KCTD15: variants seen among roughly 807,000 people sequenced by gnomAD.
KCTD15 encodes the protein potassium channel tetramerization domain containing 15, also known as BTB/POZ domain-containing protein KCTD15.
A neutral mutation model predicts 27.2 loss-of-function variants in KCTD15; 11 were observed. That is an observed-to-expected ratio of 0.41 (90% CI 0.25 to 0.67). The LOEUF (loss-of-function observed/expected upper bound fraction) is 0.67, where lower values mean the gene tolerates loss of function less well. Among genes scored for constraint, KCTD15 ranks in the 30% least tolerant of loss-of-function variants. The probability of loss-of-function intolerance (pLI) is 0.35; values close to 1 mark genes in which losing one functional copy is unlikely to be tolerated. For missense variants in KCTD15, 350 were observed against 409.3 expected, an observed-to-expected ratio of 0.86 and a Z score of 1.25; for synonymous variants, 163 against 176.0, an observed-to-expected ratio of 0.93 and a Z score of 0.58.
upstream of KCTD15, among the ~76,000 whole-genome samples, chr19:33,795,229 C>A (rs1975279296): frequency 6.6e-6 from 1 of 152,188 alleles, no homozygotes; most frequent in Non-Finnish European, 1.5e-5. Context: ...TCCTGTAGTT[C>A]GAACTCGAAA....
rs1479485354 is a variant in KCTD15 at position 33,797,279 on chromosome 19, TGTGTGC to T, written c.-127+294_-127+299del. On this transcript the variant is annotated intron_variant, in intron 1 of 6. Coordinates refer to ENST00000683859, the MANE Select transcript of KCTD15 (RefSeq NM_001129994.2). The stretch of plus-strand genomic sequence containing the variant: ...GTGTGTGTGTGTGTGTGTGTGTGTG[TGTGTGC>T]GCGCGCGCGCGCGCGCGCTTGTGGA... 8.5e-3 allele frequency: 2,097 copies of T among 246,936 alleles called. 58 individuals are homozygous for T. The highest frequency in any genetic ancestry group is 0.084 in the African/African-American group (1,855 of 21,958). The allele number at this position is 246,936 out of a possible 1,614,324, so 15.3% of individuals were successfully genotyped here. A position where few individuals can be genotyped will look rare whatever the true frequency, so the allele number is the denominator to read the frequency against.
intron 4 of KCTD15, among the ~76,000 whole-genome samples, chr19:33,805,124 C>T (rs1436293009): frequency 2.0e-5 from 3 of 152,108 alleles, no homozygotes; most frequent in Non-Finnish European, 2.9e-5. Flanking sequence ...GGTCTTGCTG[C>T]GTTGCCTAGG....
At chr19:33,801,454 C>G in intron 4 of KCTD15, 112 bp downstream of exon 4, 1 of 935,054 alleles carries the variant, frequency 1.1e-6, no homozygotes, top group Non-Finnish European at 1.5e-6. Context: ...ACCAGGGTCT[C>G]CAGGGTGCAC....
At chr19:33,800,933 T>G (rs560683907) in intron 3 of KCTD15, among the ~76,000 whole-genome samples, 41 of 152,330 alleles carry the variant, frequency 2.7e-4, no homozygotes, top group African/African-American at 9.6e-4. Context: ...GATTTCTTAT[T>G]GCTAATAAGC....
chr19:33,811,680 A>C (rs774679915), intron 6 of KCTD15, 128 bp downstream of exon 6: 2 of 1,516,408 alleles, frequency 1.3e-6, no homozygotes, highest in Admixed American at 1.9e-5. Context: ...CCTACAAAAA[A>C]GGCAACAATG....
At chr19:33,802,528 T>C (rs1975590853) in intron 4 of KCTD15, among the ~76,000 whole-genome samples, 1 of 152,096 alleles carries the variant, frequency 6.6e-6, no homozygotes, top group Admixed American at 6.5e-5. Context: ...TAGTTCCAAA[T>C]TTGGAGAGTC....
In KCTD15 at chr19:33,813,876, A is replaced by C. The variant is rs1210393406; in HGVS notation, c.*928A>C. ...CCAGTTTTCTCATGCGAATATGCAC[A>C]GTTTTAATTCACGTTGTTACACTAG... On this transcript the variant is annotated 3_prime_UTR_variant, in exon 7 of 7. Coordinates refer to ENST00000683859, the MANE Select transcript of KCTD15 (RefSeq NM_001129994.2). 1 of 157,528 alleles carries C rather than the reference A, an allele frequency of 6.3e-6. No homozygotes were observed. The highest frequency in any genetic ancestry group is 6.4e-5 in the Admixed American group (1 of 15,718). 9.8% of individuals were successfully genotyped at this position (157,528 alleles called of 1,614,324 possible).
At chr19:33,798,012 G>A (rs902908947) in intron 1 of KCTD15, among the ~76,000 whole-genome samples, 1 of 152,106 alleles carries the variant, frequency 6.6e-6, no homozygotes, top group African/African-American at 2.4e-5. Flanking sequence ...GCCCCGCGGC[G>A]CCTCCAGCCT....
At chr19:33,801,369 G>A (rs776917324) in intron 4 of KCTD15, 27 bp downstream of exon 4, 14 of 1,578,508 alleles carry the variant, frequency 8.9e-6, no homozygotes, top group East Asian at 6.9e-5. Flanking sequence ...TGAAACATCA[G>A]GCATGTGTGG....
upstream of KCTD15, chr19:33,796,760 T>C (rs936348314): frequency 4.7e-5 from 2 of 42,720 alleles, no homozygotes; most frequent in African/African-American, 9.0e-5. Context: ...GAGGGGAGGG[T>C]GGGGAGGGGA....
In KCTD15 at chr19:33,812,815, G is replaced by A; in HGVS notation, c.719G>A (p.Gly240Asp). Residue 240 changes from glycine (G) to aspartate (D), a missense_variant, in exon 7 of 7, where the codon GGT (glycine) becomes GAT (aspartate). Physicochemically the swap from Gly to Asp is moderately conservative, Grantham distance 94. Coordinates refer to ENST00000683859, the MANE Select transcript of KCTD15 (RefSeq NM_001129994.2). ...VQVLERLFQR[G>D]FSVAASCGGG... Reference sequence around the variant, plus strand: ...GTCCTGGAGCGGCTGTTCCAGAGGGGTTTCAGCGTGGCTGCGTCCTGTGGG... The same window carrying A: ...GTCCTGGAGCGGCTGTTCCAGAGGGATTTCAGCGTGGCTGCGTCCTGTGGG... The A allele has an allele frequency of 6.7e-7, 1 of 1,502,164 alleles. No individual in the cohort carries two copies. The highest frequency in any genetic ancestry group is 1.4e-5 in the African/African-American group (1 of 71,718). The allele number at this position is 1,502,164 out of a possible 1,614,324, so 93.1% of individuals were successfully genotyped here. A position where few individuals can be genotyped will look rare whatever the true frequency, so the allele number is the denominator to read the frequency against.
chr19:33,812,592 G>A, intron 6 of KCTD15, 198 bp from the exon 7 acceptor site: 1 of 1,288,144 alleles, frequency 7.8e-7, no homozygotes, highest in Non-Finnish European at 9.8e-7. Context: ...GGGTCACTGG[G>A]CCTGGCCACT....
upstream of KCTD15, among the ~76,000 whole-genome samples, chr19:33,794,312 T>C (rs1228677398): frequency 6.6e-6 from 1 of 152,240 alleles, no homozygotes; most frequent in Non-Finnish European, 1.5e-5. Context: ...GTCCTTGACA[T>C]GTACCTTGCA....
At position 33,812,020 on chromosome 19, in the gene KCTD15, A is replaced by G. The variant is rs1975941494; in HGVS notation, c.693+468A>G. Reference sequence around the variant, plus strand: ...CGGCTCTTCCTGGATGGGTCCAAGAATTGGACAGCTCAGATGGAGTGAGGG... The same window carrying G: ...CGGCTCTTCCTGGATGGGTCCAAGAGTTGGACAGCTCAGATGGAGTGAGGG... On this transcript the variant is annotated intron_variant, in intron 6 of 6. Transcript: ENST00000683859. 4 of 1,446,386 alleles carry G rather than the reference A, an allele frequency of 2.8e-6. No homozygotes were observed. In the Admixed American group the frequency reaches 1.2e-4, roughly 42 times the overall value. 89.6% of individuals were successfully genotyped at this position (1,446,386 alleles called of 1,614,324 possible). A position where few individuals can be genotyped will look rare whatever the true frequency, so the allele number is the denominator to read the frequency against.
chr19:33,804,517 A>G (rs1193525615), intron 4 of KCTD15, among the ~76,000 whole-genome samples: 2 of 151,772 alleles, frequency 1.3e-5, no homozygotes, highest in Non-Finnish European at 2.9e-5. Flanking sequence ...CAGGAGGCTG[A>G]GGGTTTGGAT....
chr19:33,809,558 C>T (rs1346826189), intron 5 of KCTD15, among the ~76,000 whole-genome samples: 3 of 151,938 alleles, frequency 2.0e-5, no homozygotes, highest in Non-Finnish European at 4.4e-5. Context: ...GGTTGTCTGT[C>T]ATGCAGTTGT....
chr19:33,800,568 CCTT>C (rs1178491908), intron 3 of KCTD15, 48 bp downstream of exon 3: 6 of 1,517,460 alleles, frequency 4.0e-6, no homozygotes, highest in Non-Finnish European at 5.4e-6. Flanking sequence ...TCCCTCTTTC[CCTT>C]CTTCCCCAGT....
At position 33,814,411 on chromosome 19, in the gene KCTD15, GTGTTATTTAT is replaced by G. The variant is rs1464128229; in HGVS notation, c.*1466_*1475del. ...GGTCAGTGGCTGGGTCCTGAGCTTG[GTGTTATTTAT>G]TGCATTTGGGTGCCTGTCCCCTCAG... On this transcript the variant is annotated 3_prime_UTR_variant, in exon 7 of 7. Coordinates refer to ENST00000683859, the MANE Select transcript of KCTD15 (RefSeq NM_001129994.2). 2.0e-5 allele frequency: 3 copies of G among 152,172 alleles called. No homozygotes were observed. Among genetic ancestry groups the G allele is most frequent in the Non-Finnish European group, 4.4e-5 (3 of 68,078 alleles). The allele number at this position is 152,172 out of a possible 1,614,324, so 9.4% of individuals were successfully genotyped here.
chr19:33,801,425 C>T (rs1975542125), intron 4 of KCTD15, 83 bp downstream of exon 4: 2 of 1,245,168 alleles, frequency 1.6e-6, no homozygotes, highest in Non-Finnish European at 2.2e-6. Flanking sequence ...TGGGGTCTCT[C>T]CCCACTGTCA....
Sources: allele counts gnomAD v4.1 joint callset (sites outside exome capture counted in the v4.1 genomes callset), GRCh38; gene constraint gnomAD v4.1.1; transcripts MANE v1.5; gene names NCBI Gene and HGNC (gene_info 2026-07-23, HGNC 2026-07-21).